Variants in SAMTOR observed in about 807,000 individuals in gnomAD.
The protein encoded by SAMTOR is UPF0532 protein C7orf60.
At chr7:112,922,292 A>T in the SAMTOR span, among the ~76,000 whole-genome samples, 1 of 152,062 alleles carries the variant, frequency 6.6e-6, no homozygotes, top group African/African-American at 2.4e-5. Context: ...CAGTGGCATG[A>T]TCTCGGCTTG....
At chr7:112,896,878 T>C in the SAMTOR span, among the ~76,000 whole-genome samples, 14 of 152,286 alleles carry the variant, frequency 9.2e-5, no homozygotes, top group African/African-American at 3.4e-4. Flanking sequence ...GAGTGGAAAC[T>C]TTCTAGGCAG....
chr7:112,894,977 G>A, the SAMTOR span, among the ~76,000 whole-genome samples: 1 of 152,092 alleles, frequency 6.6e-6, no homozygotes, highest in Non-Finnish European at 1.5e-5. Context: ...GATTATAATA[G>A]TCATGTACTT....
the SAMTOR span, among the ~76,000 whole-genome samples, chr7:112,850,408 G>T: frequency 6.6e-6 from 1 of 152,084 alleles, no homozygotes; most frequent in Non-Finnish European, 1.5e-5. Context: ...GGTGATATTG[G>T]CTTCACAGAA....
chr7:112,873,772 A>G, the SAMTOR span, among the ~76,000 whole-genome samples: 1 of 152,168 alleles, frequency 6.6e-6, no homozygotes, highest in Non-Finnish European at 1.5e-5. Context: ...ATAAACAGAC[A>G]ACCTAGAGAA....
At chr7:112,864,451 G>A in the SAMTOR span, among the ~76,000 whole-genome samples, 3 of 152,144 alleles carry the variant, frequency 2.0e-5, no homozygotes, top group African/African-American at 4.8e-5. Context: ...TTTAATGATA[G>A]GATACTGTGA....
the SAMTOR span, among the ~76,000 whole-genome samples, chr7:112,899,050 G>C: frequency 6.6e-6 from 1 of 152,124 alleles, no homozygotes; most frequent in East Asian, 1.9e-4. Flanking sequence ...ACATCCACAA[G>C]CATCAAGAAC....
the SAMTOR span, chr7:112,939,809 A>G: frequency 7.3e-7 from 1 of 1,368,666 alleles, no homozygotes; most frequent in South Asian, 1.2e-5. Context: ...CCCCAGATGG[A>G]GGAGGTGGGG....
chr7:112,874,375 C>T, the SAMTOR span, among the ~76,000 whole-genome samples: 2 of 152,092 alleles, frequency 1.3e-5, no homozygotes, highest in Non-Finnish European at 2.9e-5. Context: ...AGAAGAAAAT[C>T]ATGTCCTCTG....
the SAMTOR span, among the ~76,000 whole-genome samples, chr7:112,869,908 T>G: frequency 6.6e-6 from 1 of 152,032 alleles, no homozygotes; most frequent in African/African-American, 2.4e-5. Context: ...CTAGAGGAAT[T>G]TCAAAATACA....
the SAMTOR span, among the ~76,000 whole-genome samples, chr7:112,876,697 T>A: frequency 6.6e-6 from 1 of 152,184 alleles, no homozygotes; most frequent in Non-Finnish European, 1.5e-5. Context: ...AAAAATATAT[T>A]GTTTCTTAAG....
the SAMTOR span, chr7:112,821,533 TATGAC>T: frequency 1.8e-4 from 78 of 431,350 alleles, no homozygotes; most frequent in Non-Finnish European, 2.6e-4. Context: ...TAGTTTCTGC[TATGAC>T]ATGAGTCACT....
the SAMTOR span, among the ~76,000 whole-genome samples, chr7:112,830,312 T>C: frequency 2.0e-5 from 3 of 152,172 alleles, no homozygotes; most frequent in East Asian, 1.9e-4. Flanking sequence ...AGCTGGTCTA[T>C]CTTATCCCAT....
the SAMTOR span, among the ~76,000 whole-genome samples, chr7:112,931,659 C>T: frequency 6.6e-6 from 1 of 152,124 alleles, no homozygotes; most frequent in African/African-American, 2.4e-5. Context: ...ATTAAAAAGT[C>T]TTACCCTAAT....
the SAMTOR span, among the ~76,000 whole-genome samples, chr7:112,866,178 G>A: frequency 6.6e-6 from 1 of 152,068 alleles, no homozygotes; most frequent in African/African-American, 2.4e-5. Context: ...AATGCTTTAT[G>A]AATTATTTTT....
chr7:112,936,086 T>G, the SAMTOR span, among the ~76,000 whole-genome samples: 2 of 152,204 alleles, frequency 1.3e-5, no homozygotes, highest in South Asian at 4.1e-4. Context: ...GGTCAAATTT[T>G]AAAAATTATG....
At chr7:112,832,465 GA>G in the SAMTOR span, 1 of 738,544 alleles carries the variant, frequency 1.4e-6, no homozygotes, top group Non-Finnish European at 2.4e-6. Context: ...GGGTACACAG[GA>G]AATACATTTG....
the SAMTOR span, among the ~76,000 whole-genome samples, chr7:112,867,176 G>A: frequency 1.3e-5 from 2 of 152,172 alleles, no homozygotes; most frequent in Non-Finnish European, 2.9e-5. Flanking sequence ...AATAGTGTCA[G>A]GGATAAGAAG....
the SAMTOR span, among the ~76,000 whole-genome samples, chr7:112,911,614 G>C: frequency 6.6e-6 from 1 of 151,976 alleles, no homozygotes; most frequent in African/African-American, 2.4e-5. Context: ...AGACATGTTA[G>C]AATAAGCAGA....
At chr7:112,823,840 G>A in the SAMTOR span, among the ~76,000 whole-genome samples, 4 of 152,146 alleles carry the variant, frequency 2.6e-5, no homozygotes, top group Non-Finnish European at 4.4e-5. Flanking sequence ...GGTATAGCTA[G>A]TCTATTTCAT....
Sources: gnomAD v4.1 joint callset for allele counts (sites outside exome capture counted in the v4.1 genomes callset) on GRCh38, gnomAD v4.1.1 for gene constraint, MANE v1.5 for transcripts, NCBI Gene and HGNC (gene_info 2026-07-23, HGNC 2026-07-21) for gene names.